The following LDLRAD4 variants were observed in gnomAD, a reference collection of about 807,000 sequenced individuals.
The protein encoded by LDLRAD4 is low density lipoprotein receptor class A domain containing 4, also known as low-density lipoprotein receptor class A domain-containing protein 4.
In LDLRAD4, 5 loss-of-function variants were observed where a neutral mutation model predicts 17.0. That is an observed-to-expected ratio of 0.29 (90% CI 0.15 to 0.62). The LOEUF (loss-of-function observed/expected upper bound fraction) is 0.62, where lower values mean the gene tolerates loss of function less well. Ranked by LOEUF, LDLRAD4 falls within the 20% of genes least tolerant of loss-of-function variation. The pLI, the probability that LDLRAD4 is intolerant of heterozygous loss-of-function variation, is 0.84. For synonymous variants in LDLRAD4, 168 were observed against 171.8 expected, an observed-to-expected ratio of 0.98 and a Z score of 0.17; for missense variants, 340 against 424.7, an observed-to-expected ratio of 0.80 and a Z score of 1.75.
At chr18:13,336,083 G>C (rs1397011736) in intron 1 of LDLRAD4, among the ~76,000 whole-genome samples, 1 of 152,180 alleles carries the variant, frequency 6.6e-6, no homozygotes, top group African/African-American at 2.4e-5. Context: ...CACGGTGAGA[G>C]AGGAAGCAAG....
chr18:13,383,475 T>G (rs1265534616), intron 1 of LDLRAD4, among the ~76,000 whole-genome samples: 2 of 151,416 alleles, frequency 1.3e-5, no homozygotes, highest in Non-Finnish European at 2.9e-5. Flanking sequence ...CCAGGGAGGG[T>G]TGTTTGGGCT....
In LDLRAD4 at chr18:13,355,557, A is replaced by G. The variant is rs1277689268; in HGVS notation, c.-382-31784A>G. On this transcript the variant is annotated intron_variant, in intron 1 of 5. Coordinates refer to ENST00000359446, the Ensembl canonical transcript of LDLRAD4. ...TAGTTATTATGACTTACTAAGACCT[A>G]TGCTGTCTGTCAATAATTCTTTTCT... Among the ~76,000 whole-genome samples, 4 of 152,344 alleles carry G rather than the reference A, an allele frequency of 2.6e-5. No homozygotes were observed. In the East Asian group the frequency reaches 7.7e-4, roughly 29 times the overall value.
At chr18:13,545,049 G>A (rs767473463) in intron 3 of LDLRAD4, among the ~76,000 whole-genome samples, 8 of 151,994 alleles carry the variant, frequency 5.3e-5, no homozygotes, top group Non-Finnish European at 1.2e-4. Context: ...AAGTTTTAAC[G>A]GCCACGCAAT....
chr18:13,383,606 C>G (rs533800610), intron 1 of LDLRAD4, among the ~76,000 whole-genome samples: 3 of 152,350 alleles, frequency 2.0e-5, no homozygotes, highest in African/African-American at 7.2e-5. Context: ...CACGTGTTTG[C>G]TCCACAGATG....
intron 3 of LDLRAD4, among the ~76,000 whole-genome samples, chr18:13,568,877 G>T (rs2094644016): frequency 2.0e-5 from 3 of 152,104 alleles, no homozygotes. Context: ...TTCACATCTA[G>T]TCAGCATGGT....
chr18:13,601,097 G>A (rs192129950), intron 3 of LDLRAD4, among the ~76,000 whole-genome samples: 2 of 152,288 alleles, frequency 1.3e-5, no homozygotes, highest in African/African-American at 4.8e-5. Context: ...TCATCATAAA[G>A]TCCAGTCGAT....
chr18:13,640,303 A>AAAAAAC (rs1284576783), intron 4 of LDLRAD4, among the ~76,000 whole-genome samples: 1 of 151,774 alleles, frequency 6.6e-6, no homozygotes, highest in Non-Finnish European at 1.5e-5. Flanking sequence ...AAAAAAAAAA[A>AAAAAAC]AAAAAAATGA....
At chr18:13,445,727 G>A (rs554034245) in intron 3 of LDLRAD4, among the ~76,000 whole-genome samples, 5 of 151,268 alleles carry the variant, frequency 3.3e-5, no homozygotes, top group Admixed American at 2.6e-4. Context: ...GTGTGAGAAT[G>A]TGTAGGTGCA....
chr18:13,342,060 C>T (rs1010384732), intron 1 of LDLRAD4, among the ~76,000 whole-genome samples: 10 of 152,068 alleles, frequency 6.6e-5, no homozygotes, highest in African/African-American at 2.4e-4. Context: ...ACATGTTGAA[C>T]TCCTTGCATT....
intron 4 of LDLRAD4, among the ~76,000 whole-genome samples, chr18:13,625,992 G>A (rs2041134523): frequency 6.6e-6 from 1 of 151,758 alleles, no homozygotes; most frequent in Non-Finnish European, 1.5e-5. Context: ...TTGTCGCCAT[G>A]CGGTAGACAC....
chr18:13,493,579 TTA>T (rs1490670545), intron 3 of LDLRAD4, among the ~76,000 whole-genome samples: 1 of 152,252 alleles, frequency 6.6e-6, no homozygotes, highest in Non-Finnish European at 1.5e-5. Context: ...GGTCATCGCT[TTA>T]TATGCTTTGG....
intron 1 of LDLRAD4, among the ~76,000 whole-genome samples, 194 bp from the exon 3 acceptor site, chr18:13,387,147 G>T (rs753132022): frequency 3.9e-5 from 6 of 152,222 alleles, no homozygotes; most frequent in Non-Finnish European, 5.9e-5. Context: ...AGGGACATTT[G>T]AACCTTAAGA....
intron 1 of LDLRAD4, among the ~76,000 whole-genome samples, chr18:13,349,694 C>T (rs974452473): frequency 1.3e-5 from 2 of 152,102 alleles, no homozygotes; most frequent in East Asian, 1.9e-4. Context: ...TATACATGTG[C>T]CATAGCGGTT....
chr18:13,566,339 A>C (rs1006722222), intron 3 of LDLRAD4, among the ~76,000 whole-genome samples: 21 of 149,556 alleles, frequency 1.4e-4, no homozygotes, highest in African/African-American at 4.4e-4. Flanking sequence ...GAGTTTTCTT[A>C]TATTTTCAAT....
chr18:13,497,252 C>T (rs1432581886), intron 3 of LDLRAD4, among the ~76,000 whole-genome samples: 1 of 152,200 alleles, frequency 6.6e-6, no homozygotes, highest in African/African-American at 2.4e-5. Context: ...TCACAGCTCC[C>T]TGCAGTCTTG....
intron 1 of LDLRAD4, among the ~76,000 whole-genome samples, chr18:13,381,498 C>T (rs914050106): frequency 3.9e-5 from 6 of 152,162 alleles, no homozygotes; most frequent in Non-Finnish European, 7.4e-5. Flanking sequence ...GAGCCAGGGC[C>T]GGGAGTCACC....
chr18:13,517,940 G>A, intron 3 of LDLRAD4, among the ~76,000 whole-genome samples: 1 of 152,040 alleles, frequency 6.6e-6, no homozygotes, highest in East Asian at 1.9e-4. Flanking sequence ...GGGTTTCGCT[G>A]TGTTAGGATG....
At chr18:13,368,402 G>A (rs190861070) in intron 1 of LDLRAD4, among the ~76,000 whole-genome samples, 8 of 152,302 alleles carry the variant, frequency 5.3e-5, no homozygotes, top group African/African-American at 1.9e-4. Flanking sequence ...CACTGCCCCG[G>A]CCTGTCTCAG....
chr18:13,332,523 C>G (rs1041513444), intron 1 of LDLRAD4, among the ~76,000 whole-genome samples: 2 of 152,158 alleles, frequency 1.3e-5, no homozygotes, highest in Admixed American at 1.3e-4. Context: ...TATACAGTAG[C>G]TTACTGCCCT....
Sources: allele counts gnomAD v4.1 joint callset (sites outside exome capture counted in the v4.1 genomes callset), GRCh38; gene constraint gnomAD v4.1.1; transcripts MANE v1.5; gene names NCBI Gene and HGNC (gene_info 2026-07-23, HGNC 2026-07-21).